SLC30A8: variants seen among roughly 807,000 people sequenced by gnomAD.
SLC30A8 encodes the protein solute carrier family 30 member 8, also known as proton-coupled zinc antiporter SLC30A8.
A neutral mutation model predicts 36.9 loss-of-function variants in SLC30A8; 27 were observed. That is an observed-to-expected ratio of 0.73 (90% CI 0.54 to 1.01). The LOEUF (loss-of-function observed/expected upper bound fraction) is 1.01, where lower values mean the gene tolerates loss of function less well. SLC30A8 is among the 50% of genes least tolerant of loss of function. The pLI is 0.00. For missense variants in SLC30A8, 439 were observed against 452.0 expected, an observed-to-expected ratio of 0.97 and a Z score of 0.26; for synonymous variants, 164 against 172.4, an observed-to-expected ratio of 0.95 and a Z score of 0.38.
intron 6 of SLC30A8, among the ~76,000 whole-genome samples, chr8:117,165,169 TCAGA>T (rs1822995579): frequency 1.3e-5 from 2 of 152,328 alleles, no homozygotes; most frequent in East Asian, 1.9e-4. Flanking sequence ...CTGTGAGACC[TCAGA>T]CAATCTCCTC....
chr8:117,070,558 C>T (rs529066719), intron 2 of SLC30A8, among the ~76,000 whole-genome samples: 1 of 152,170 alleles, frequency 6.6e-6, no homozygotes, highest in Non-Finnish European at 1.5e-5. Flanking sequence ...ATATCCATCA[C>T]CTTGCTTACC....
chr8:117,107,636 C>T (rs1820048961), intron 2 of SLC30A8, among the ~76,000 whole-genome samples: 2 of 152,036 alleles, frequency 1.3e-5, no homozygotes, highest in African/African-American at 4.8e-5. Flanking sequence ...CAAGATGATC[C>T]AAGTTCTATC....
chr8:117,129,622 T>G (rs929757036), intron 2 of SLC30A8, among the ~76,000 whole-genome samples: 1 of 152,024 alleles, frequency 6.6e-6, no homozygotes, highest in Non-Finnish European at 1.5e-5. Context: ...TTCTTATATA[T>G]ATGTAATACC....
intron 2 of SLC30A8, among the ~76,000 whole-genome samples, chr8:117,111,224 T>G (rs1203107302): frequency 6.6e-6 from 1 of 152,212 alleles, no homozygotes; most frequent in Non-Finnish European, 1.5e-5. Context: ...TTTTTATTGT[T>G]GTTTTCTGAC....
chr8:117,025,124 C>T lies in SLC30A8; in HGVS notation c.-265-14095C>T, dbSNP rs556182331. Among the ~76,000 whole-genome samples, 34 of 152,268 alleles carry T rather than the reference C, an allele frequency of 2.2e-4. No individual in the cohort carries two copies. In the South Asian group the frequency reaches 6.0e-3, roughly 27 times the overall value. ...CAGAAATCTAAAAAGATTATCTTGG[C>T]ACATTTGAAATTCGGAGAGTTTAAA... On this transcript the variant is annotated intron_variant, in intron 1 of 10. Coordinates refer to the SLC30A8 transcript ENST00000427715.
Position 117,145,530 on chromosome 8 carries a change from T to C in SLC30A8, c.72-1424T>C, listed in dbSNP as rs190972217. 2.2e-3 allele frequency among the ~76,000 whole-genome samples: 336 copies of C among 152,178 alleles called. 2 individuals are homozygous for C. Among genetic ancestry groups the C allele is most frequent in the African/African-American group, 7.6e-3 (317 of 41,536 alleles). ...TGAAATGAAGTGAAAGCTAATATATTGTTAGTTTTGTTTGTTTGTTTGTTA... is the reference window on the plus strand; with the variant it reads ...TGAAATGAAGTGAAAGCTAATATATCGTTAGTTTTGTTTGTTTGTTTGTTA... On this transcript the variant is annotated intron_variant, in intron 1 of 7. Transcript: ENST00000456015.
In SLC30A8 at chr8:117,023,375, A is replaced by G. The variant is rs1249710351; in HGVS notation, c.-265-15844A>G. Among the ~76,000 whole-genome samples, 6 of 152,202 alleles carry G rather than the reference A, an allele frequency of 3.9e-5. No homozygotes were observed. In the East Asian group the frequency reaches 9.6e-4, roughly 24 times the overall value. On this transcript the variant is annotated intron_variant, in intron 1 of 10. Transcript: ENST00000427715. The stretch of plus-strand genomic sequence containing the variant: ...ACCCAGCCATCCCATTACTGGGTAT[A>G]TACCCAAAGGATTATAAATCATGCT...
At chr8:117,093,190 T>C (rs1419475999) in intron 2 of SLC30A8, among the ~76,000 whole-genome samples, 3 of 151,862 alleles carry the variant, frequency 2.0e-5, no homozygotes, top group Non-Finnish European at 4.4e-5. Context: ...GGTATCCTTC[T>C]CTTAGAATGA....
At chr8:116,951,771 A>G (rs998965611) in intron 1 of SLC30A8, among the ~76,000 whole-genome samples, 5 of 152,084 alleles carry the variant, frequency 3.3e-5, no homozygotes, top group African/African-American at 1.2e-4. Flanking sequence ...TGTTGTGTCT[A>G]CGGGGTGCCA....
chr8:117,170,722 T>C (rs1823331204), intron 6 of SLC30A8, among the ~76,000 whole-genome samples: 2 of 152,216 alleles, frequency 1.3e-5, no homozygotes, highest in Admixed American at 1.3e-4. Flanking sequence ...TATTTCATTT[T>C]ACTTTCCAGA....
intron 2 of SLC30A8, among the ~76,000 whole-genome samples, chr8:117,116,998 G>A (rs760586249): frequency 1.1e-4 from 17 of 151,812 alleles, no homozygotes; most frequent in Non-Finnish European, 2.1e-4. Flanking sequence ...TGGCTTCTAC[G>A]CCCTCAGAAA....
Position 117,173,698 on chromosome 8 carries a change from A to C in SLC30A8, c.*1017A>C, listed in dbSNP as rs1823517278. 6.6e-6 allele frequency: 1 copy of C among 152,244 alleles called. No homozygotes were observed. Among genetic ancestry groups the C allele is most frequent in the Admixed American group, 6.5e-5 (1 of 15,278 alleles). The allele number at this position is 152,244 out of a possible 1,614,324, so 9.4% of individuals were successfully genotyped here. The stretch of plus-strand genomic sequence containing the variant: ...GCCAACATTCTGGAAATCCTATGTC[A>C]ATGGGTTTGGTTTGGAACCTGGACT... On this transcript the variant is annotated 3_prime_UTR_variant, in exon 8 of 8. Coordinates refer to ENST00000456015, the MANE Select transcript of SLC30A8 (RefSeq NM_173851.3).
intron 1 of SLC30A8, among the ~76,000 whole-genome samples, chr8:117,000,237 G>C (rs1304749322): frequency 6.6e-6 from 1 of 152,168 alleles, no homozygotes; most frequent in Non-Finnish European, 1.5e-5. Flanking sequence ...CAGTGAGGTG[G>C]GTGTGGGCAG....
chr8:116,987,919 G>A (rs1191071977), intron 1 of SLC30A8, among the ~76,000 whole-genome samples: 1 of 152,096 alleles, frequency 6.6e-6, no homozygotes, highest in African/African-American at 2.4e-5. Context: ...GGCTGGTCTC[G>A]AACTCCTGAC....
At chr8:117,144,205 T>C (rs933205636) in intron 1 of SLC30A8, among the ~76,000 whole-genome samples, 11 of 152,174 alleles carry the variant, frequency 7.2e-5, no homozygotes, top group East Asian at 1.9e-4. Flanking sequence ...TCTGTGGTTA[T>C]TATTAGGATA....
chr8:116,972,162 T>A (rs946801070), intron 1 of SLC30A8, among the ~76,000 whole-genome samples: 1 of 152,220 alleles, frequency 6.6e-6, no homozygotes, highest in African/African-American at 2.4e-5. Flanking sequence ...GAAACATGTC[T>A]AATTATAAAT....
intron 1 of SLC30A8, among the ~76,000 whole-genome samples, chr8:116,973,360 C>A (rs1157072474): frequency 1.3e-5 from 2 of 152,108 alleles, no homozygotes; most frequent in African/African-American, 4.8e-5. Flanking sequence ...ACTTCTAGGT[C>A]ACTTTCTTAA....
At chr8:117,138,631 C>T (rs1821481060) in intron 1 of SLC30A8, among the ~76,000 whole-genome samples, 2 of 151,994 alleles carry the variant, frequency 1.3e-5, no homozygotes, top group African/African-American at 4.8e-5. Context: ...CTTCCTCTAC[C>T]CAGCCTCCTC....
At chr8:117,016,468 A>G (rs556005382) in intron 1 of SLC30A8, among the ~76,000 whole-genome samples, 8 of 152,112 alleles carry the variant, frequency 5.3e-5, no homozygotes, top group African/African-American at 1.9e-4. Flanking sequence ...GCAGCTATCA[A>G]CTCCAGGCTG....
Sources: allele counts gnomAD v4.1 joint callset (sites outside exome capture counted in the v4.1 genomes callset), GRCh38; gene constraint gnomAD v4.1.1; transcripts MANE v1.5; gene names NCBI Gene and HGNC (gene_info 2026-07-23, HGNC 2026-07-21).